UBE2V1: variants seen among roughly 807,000 people sequenced by gnomAD.
UBE2V1 encodes ubiquitin-conjugating enzyme E2 variant 1.
In UBE2V1, 15 loss-of-function variants were observed where a neutral mutation model predicts 19.6. The ratio of observed to expected loss-of-function variants is 0.77; its 90% confidence interval spans 0.51 to 1.18. The LOEUF is 1.18. UBE2V1 is among the 50% of genes most tolerant of loss of function. The pLI, the probability that UBE2V1 is intolerant of heterozygous loss-of-function variation, is 0.00. For synonymous variants in UBE2V1, 60 were observed against 60.7 expected (o/e 0.99, Z 0.05); for missense variants, 125 against 184.8 (o/e 0.68, Z 1.88).
intron 2 of UBE2V1, chr20:50,096,441 C>T: frequency 9.4e-7 from 1 of 1,061,522 alleles, no homozygotes; most frequent in Non-Finnish European, 1.3e-6. Flanking sequence ...TCTACATTGT[C>T]ATATAAATTC....
At chr20:50,089,683 C>A (rs1490462396) in intron 2 of UBE2V1, among the ~76,000 whole-genome samples, 4 of 152,120 alleles carry the variant, frequency 2.6e-5, no homozygotes, top group African/African-American at 9.7e-5. Flanking sequence ...CAGAGACTCT[C>A]CCTCTTCCCA....
upstream of UBE2V1, chr20:50,115,752 G>A (rs117640712): frequency 1.3e-4 from 86 of 647,988 alleles, 1 homozygote; most frequent in East Asian, 1.5e-3. Flanking sequence ...CAACTCCTGT[G>A]AATATCCCCA....
upstream of UBE2V1, chr20:50,115,164 C>G (rs770329747): frequency 3.7e-5 from 9 of 245,966 alleles, no homozygotes; most frequent in Non-Finnish European, 6.1e-5. Context: ...TCTGCGGCGA[C>G]ACTGGCCCTT....
intron 1 of UBE2V1, among the ~76,000 whole-genome samples, chr20:50,104,584 G>C (rs1464773044): frequency 6.8e-6 from 1 of 147,078 alleles, no homozygotes; most frequent in African/African-American, 2.5e-5. Context: ...GTGAACCCCA[G>C]GGGGCGGAGC....
intron 2 of UBE2V1, among the ~76,000 whole-genome samples, chr20:50,085,384 C>T (rs1158272640): frequency 1.3e-5 from 2 of 152,172 alleles, no homozygotes; most frequent in Non-Finnish European, 1.5e-5. Flanking sequence ...GAAGACCCAG[C>T]TCAAACACTA....
intron 1 of UBE2V1, among the ~76,000 whole-genome samples, chr20:50,099,424 T>C (rs2079841568): frequency 1.3e-5 from 2 of 152,218 alleles, no homozygotes; most frequent in Non-Finnish European, 2.9e-5. Flanking sequence ...AGGAGCTTTA[T>C]AGAGTTGGTA....
chr20:50,094,008 A>AT (rs1568987590), intron 2 of UBE2V1, among the ~76,000 whole-genome samples: 80 of 124,050 alleles, frequency 6.4e-4, no homozygotes, highest in African/African-American at 2.6e-3. Context: ...AAAAAAAAAA[A>AT]AAAATAATAA....
At chr20:50,113,833 C>T (rs2080926304), upstream of UBE2V1, among the ~76,000 whole-genome samples, 1 of 150,438 alleles carries the variant, frequency 6.6e-6, no homozygotes, top group South Asian at 2.1e-4. Flanking sequence ...AAACATTAAG[C>T]ACCTACTATG....
chr20:50,084,335 C>G, intron 2 of UBE2V1, 81 bp from the exon 3 acceptor site: 1 of 1,604,006 alleles, frequency 6.2e-7, no homozygotes, highest in African/African-American at 1.3e-5. Flanking sequence ...CCCCATTTAT[C>G]CCTGACTGTA....
chr20:50,105,712 G>A (rs986300655), intron 1 of UBE2V1, among the ~76,000 whole-genome samples: 2 of 152,100 alleles, frequency 1.3e-5, no homozygotes, highest in Non-Finnish European at 2.9e-5. Flanking sequence ...ACTTTGAGAG[G>A]CCGAGGTGGG....
chr20:50,092,552 G>A (rs1179810576), intron 2 of UBE2V1, among the ~76,000 whole-genome samples: 2 of 152,128 alleles, frequency 1.3e-5, no homozygotes, highest in East Asian at 1.9e-4. Context: ...TCATGACAAA[G>A]AAAAGAACCA....
chr20:50,094,126 T>TA (rs2079443048), intron 2 of UBE2V1, among the ~76,000 whole-genome samples: 1 of 71,898 alleles, frequency 1.4e-5, no homozygotes, highest in African/African-American at 6.3e-5. Flanking sequence ...ATATATTATA[T>TA]ATTATAATTA....
chr20:50,108,449 A>G (rs535007051), intron 1 of UBE2V1, among the ~76,000 whole-genome samples: 6 of 152,194 alleles, frequency 3.9e-5, no homozygotes, highest in Non-Finnish European at 7.3e-5. Flanking sequence ...ACCTCAGAGA[A>G]TAAGAAATGG....
intron 2 of UBE2V1, among the ~76,000 whole-genome samples, chr20:50,084,974 G>A (rs2078832932): frequency 7.4e-6 from 1 of 134,716 alleles, no homozygotes; most frequent in Admixed American, 8.9e-5. Context: ...TCGGCTCACC[G>A]CAACCTCCGC....
chr20:50,089,592 G>C (rs1375115140), intron 2 of UBE2V1, among the ~76,000 whole-genome samples: 1 of 152,194 alleles, frequency 6.6e-6, no homozygotes, highest in Non-Finnish European at 1.5e-5. Context: ...AAGCAGAGTG[G>C]AGAGAAGTGG....
chr20:50,087,757 A>C (rs918816795), intron 2 of UBE2V1, among the ~76,000 whole-genome samples: 4 of 152,190 alleles, frequency 2.6e-5, no homozygotes, highest in African/African-American at 4.8e-5. Flanking sequence ...ACTGTCTGCA[A>C]TAGCAAAAAT....
intron 1 of UBE2V1, among the ~76,000 whole-genome samples, chr20:50,102,757 C>T (rs1313869510): frequency 2.0e-5 from 3 of 152,188 alleles, no homozygotes; most frequent in Admixed American, 6.5e-5. Context: ...CTTGGCCTCC[C>T]GTTGCACCCG....
Position 50,097,813 on chromosome 20 carries a change from G to A in UBE2V1, c.23-993C>T, listed in dbSNP as rs183992808. On this transcript the variant is annotated intron_variant, in intron 1 of 3. Coordinates refer to ENST00000371674, the MANE Select transcript of UBE2V1 (RefSeq NM_001032288.3). ...GACAAACAGGACTAACCATGTGACT[G>A]TGAAGAGAGGCTCACTGGAGGGACC... Among the ~76,000 whole-genome samples, 6 of 152,350 alleles carry A rather than the reference G, an allele frequency of 3.9e-5. No homozygotes were observed. The East Asian group carries it at 1.2e-3, about 29-fold the overall frequency.
Position 50,113,147 on chromosome 20 carries a change from G to T in UBE2V1, c.-19C>A. 1 of 1,341,126 alleles carries T rather than the reference G, an allele frequency of 7.5e-7. No homozygotes were observed. The highest frequency in any genetic ancestry group is 9.7e-7 in the Non-Finnish European group (1 of 1,033,214). 83.1% of individuals were successfully genotyped at this position (1,341,126 alleles called of 1,614,324 possible). Reference sequence around the variant, plus strand: ...CTGCCATCTTGCGTCGCTCTTGCTTGAAGGCCGGCCCCTTCTTCACCCCCC... The same window carrying T: ...CTGCCATCTTGCGTCGCTCTTGCTTTAAGGCCGGCCCCTTCTTCACCCCCC... On this transcript the variant is annotated 5_prime_UTR_variant, in exon 1 of 4. Transcript: ENST00000371674.
Sources: gnomAD v4.1 joint callset for allele counts (sites outside exome capture counted in the v4.1 genomes callset) on GRCh38, gnomAD v4.1.1 for gene constraint, MANE v1.5 for transcripts, NCBI Gene and HGNC (gene_info 2026-07-23, HGNC 2026-07-21) for gene names.